Variants in RFX2 observed in about 807,000 individuals in gnomAD.
RFX2 encodes DNA-binding protein RFX2.
Under a neutral mutation model 87.8 loss-of-function variants are expected in RFX2, and 20 were observed. The observed-to-expected ratio is 0.23, with a 90% confidence interval of 0.16 to 0.33. The LOEUF (loss-of-function observed/expected upper bound fraction) is 0.33, where lower values mean the gene tolerates loss of function less well. RFX2 is among the 10% of genes least tolerant of loss of function. The probability of loss-of-function intolerance (pLI) is 1.00; values close to 1 mark genes in which losing one functional copy is unlikely to be tolerated. For synonymous variants in RFX2, 397 were observed against 431.3 expected (o/e 0.92, Z 0.98); for missense variants, 767 against 1,012.3 (o/e 0.76, Z 3.29).
At chr19:6,086,336 A>G (rs1347459301) in intron 1 of RFX2, among the ~76,000 whole-genome samples, 1 of 152,168 alleles carries the variant, frequency 6.6e-6, no homozygotes, top group East Asian at 1.9e-4. Flanking sequence ...ACAGAAACCT[A>G]GACGCTACAA....
At chr19:6,097,313 T>C (rs931592429) in intron 1 of RFX2, among the ~76,000 whole-genome samples, 12 of 152,122 alleles carry the variant, frequency 7.9e-5, no homozygotes, top group African/African-American at 2.9e-4. Context: ...GGGCCTTGCC[T>C]TTCTTCCTAG....
In RFX2 at chr19:6,044,318, T is replaced by A. The variant is rs374696482; in HGVS notation, c.91-36A>T. On this transcript the variant is annotated intron_variant, in intron 2 of 17. Coordinates refer to ENST00000303657, the MANE Select transcript of RFX2 (RefSeq NM_000635.4). This position sits in a 1 kb window ranked among gnomAD's most constrained non-coding sequence, Gnocchi z 5.3. ...AGGGAGAGAAGGCCAGTTAGACTTG[T>A]CAGAGGTCAGTGCTGAGGATACACA... 41 of 1,339,900 alleles carry A rather than the reference T, an allele frequency of 3.1e-5. No homozygotes were observed. The highest frequency in any genetic ancestry group is 1.6e-4 in the Admixed American group (6 of 37,784). The allele number at this position is 1,339,900 out of a possible 1,614,324, so 83.0% of individuals were successfully genotyped here. A position where few individuals can be genotyped will look rare whatever the true frequency, so the allele number is the denominator to read the frequency against.
At chr19:6,071,683 G>A (rs2087608648) in intron 1 of RFX2, among the ~76,000 whole-genome samples, 1 of 152,146 alleles carries the variant, frequency 6.6e-6, no homozygotes, top group Non-Finnish European at 1.5e-5. Flanking sequence ...GGGTCTTTTT[G>A]TTAAACTCAT....
intron 1 of RFX2, among the ~76,000 whole-genome samples, chr19:6,070,071 A>G (rs2087575855): frequency 1.0e-4 from 7 of 67,876 alleles, no homozygotes; most frequent in East Asian, 4.8e-4. Flanking sequence ...ATGGGATGGG[A>G]TGTGGATGGG....
chr19:6,102,638 C>A (rs1380550502), intron 1 of RFX2, among the ~76,000 whole-genome samples: 1 of 152,250 alleles, frequency 6.6e-6, no homozygotes, highest in Admixed American at 6.5e-5. Context: ...ACTGCAGGAC[C>A]TTTGTACCTG....
Position 6,010,388 on chromosome 19 carries a change from C to G in RFX2, c.900-137G>C. On this transcript the variant is annotated intron_variant, in intron 8 of 17. Transcript: ENST00000303657. This position sits in a 1 kb window ranked among gnomAD's most constrained non-coding sequence, Gnocchi z 5.0. ...AAGTTGCGGTCAAATACACATAACA[C>G]AAAAGCTACCATCGGAACCATCTTG... is the stretch of plus-strand genomic sequence containing the variant. The G allele has an allele frequency of 1.6e-6, 1 of 630,818 alleles. No homozygotes were observed. The highest frequency in any genetic ancestry group is 1.8e-5 in the African/African-American group (1 of 55,596). The allele number at this position is 630,818 out of a possible 1,614,324, so 39.1% of individuals were successfully genotyped here.
rs935759494 is a variant in RFX2 at position 6,011,476 on chromosome 19, C to T, written c.900-1225G>A. ...GTAAACCACCTGGCTCAGGGCAGGCCGTGGGCATCACACAGACACAGGCTC... is the reference window on the plus strand; with the variant it reads ...GTAAACCACCTGGCTCAGGGCAGGCTGTGGGCATCACACAGACACAGGCTC... On this transcript the variant is annotated intron_variant, in intron 8 of 17. Coordinates refer to ENST00000303657, the MANE Select transcript of RFX2 (RefSeq NM_000635.4). The surrounding 1 kb of genome is among the most constrained non-coding windows in gnomAD (Gnocchi z 4.8). Among the ~76,000 whole-genome samples, 5 of 152,192 alleles carry T rather than the reference C, an allele frequency of 3.3e-5. No individual in the cohort carries two copies. Among genetic ancestry groups the T allele is most frequent in the African/African-American group, 1.2e-4 (5 of 41,452 alleles).
Position 6,001,108 on chromosome 19 carries a change from T to C in RFX2, c.1859+707A>G, listed in dbSNP as rs1406929643. 3.9e-5 allele frequency among the ~76,000 whole-genome samples: 6 copies of C among 152,198 alleles called. No homozygotes were observed. Among genetic ancestry groups the C allele is most frequent in the Non-Finnish European group, 8.8e-5 (6 of 68,024 alleles). On this transcript the variant is annotated intron_variant, in intron 15 of 17. Transcript: ENST00000303657. This position sits in a 1 kb window ranked among gnomAD's most constrained non-coding sequence, Gnocchi z 5.6. Reference sequence around the variant, plus strand: ...CTTCAGAGCTCTCAGGACATCGCTCTACTGCCTTCTGGGTTTCTGCACATT... The same window carrying C: ...CTTCAGAGCTCTCAGGACATCGCTCCACTGCCTTCTGGGTTTCTGCACATT...
rs1208738258 is a variant in RFX2 at position 5,997,236 on chromosome 19, T to C, written c.1860-23A>G. ...GAGCTGGGGACAAGCGGACAGAGGC[T>C]GGGGACCCTCAGGGGAGCATGGAAC... On this transcript the variant is annotated intron_variant, in intron 15 of 17. Coordinates refer to ENST00000303657, the MANE Select transcript of RFX2 (RefSeq NM_000635.4). The surrounding 1 kb of genome is among the most constrained non-coding windows in gnomAD (Gnocchi z 4.2). 1 of 1,602,066 alleles carries C rather than the reference T, an allele frequency of 6.2e-7. No homozygotes were observed. Among genetic ancestry groups the C allele is most frequent in the Non-Finnish European group, 8.5e-7 (1 of 1,177,326 alleles).
Position 6,022,460 on chromosome 19 carries a change from A to G in RFX2, c.597+3703T>C, listed in dbSNP as rs1279795612. 6.6e-6 allele frequency among the ~76,000 whole-genome samples: 1 copy of G among 152,190 alleles called. No homozygotes were observed. The highest frequency in any genetic ancestry group is 1.5e-5 in the Non-Finnish European group (1 of 68,030). On this transcript the variant is annotated intron_variant, in intron 6 of 17. Coordinates refer to ENST00000303657, the MANE Select transcript of RFX2 (RefSeq NM_000635.4). This position sits in a 1 kb window ranked among gnomAD's most constrained non-coding sequence, Gnocchi z 6.2. The stretch of plus-strand genomic sequence containing the variant: ...GCAAGTGATGTGTTTACTTTAGCAG[A>G]CAGCGCCACCTCATGGTGACAGAGA...
rs556199536 is a variant in RFX2 at position 6,045,668 on chromosome 19, T to G, written c.91-1386A>C. Among the ~76,000 whole-genome samples, 787 of 152,002 alleles carry G rather than the reference T, an allele frequency of 5.2e-3. 12 individuals carry two copies. The highest frequency in any genetic ancestry group is 0.018 in the African/African-American group (736 of 41,342). The stretch of plus-strand genomic sequence containing the variant: ...TTTTTGCGGAATTGTGTTTTTTTGT[T>G]TTTGTTTTTTTGTGTTTTTTGGGAC... On this transcript the variant is annotated intron_variant, in intron 2 of 17. Coordinates refer to ENST00000303657, the MANE Select transcript of RFX2 (RefSeq NM_000635.4). The surrounding 1 kb of genome is among the most constrained non-coding windows in gnomAD (Gnocchi z 5.2).
intron 1 of RFX2, among the ~76,000 whole-genome samples, chr19:6,081,545 C>A (rs1225042420): frequency 1.3e-5 from 2 of 152,242 alleles, no homozygotes; most frequent in Non-Finnish European, 2.9e-5. Context: ...TCACAGCACA[C>A]AAACATTAGC....
At position 6,045,300 on chromosome 19, in the gene RFX2, CCA is replaced by C. The variant is rs375008383; in HGVS notation, c.91-1020_91-1019del. ...GTCCTGGCAAGTCCTCAGAGAGGGA[CCA>C]CAGTGATGAAACCTGGGACACACAT... On this transcript the variant is annotated intron_variant, in intron 2 of 17. Coordinates refer to ENST00000303657, the MANE Select transcript of RFX2 (RefSeq NM_000635.4). This position sits in a 1 kb window ranked among gnomAD's most constrained non-coding sequence, Gnocchi z 5.2. Among the ~76,000 whole-genome samples the C allele has an allele frequency of 1.6e-3, 241 of 152,286 alleles. 2 individuals are homozygous for C. The South Asian group carries it at 0.037, about 23-fold the overall frequency.
chr19:6,058,528 T>C (rs1349771992), intron 1 of RFX2, among the ~76,000 whole-genome samples: 2 of 151,478 alleles, frequency 1.3e-5, no homozygotes, highest in South Asian at 2.1e-4. Context: ...CAGGCTTCAA[T>C]GCACACCAAG....
At chr19:5,995,270 G>GC (rs747690871) in intron 17 of RFX2, among the ~76,000 whole-genome samples, 3 of 152,186 alleles carry the variant, frequency 2.0e-5, no homozygotes, top group Non-Finnish European at 4.4e-5. Flanking sequence ...CAGAGACGGG[G>GC]CCCGGGGGTC....
At chr19:6,078,399 T>C (rs940890304) in intron 1 of RFX2, 1 of 148,752 alleles carries the variant, frequency 6.7e-6, no homozygotes, top group South Asian at 2.1e-4. Flanking sequence ...GTTTAAGTCA[T>C]AAAAATTTAG....
chr19:6,033,392 T>G (rs1254346248), intron 5 of RFX2, among the ~76,000 whole-genome samples: 1 of 152,166 alleles, frequency 6.6e-6, no homozygotes. Context: ...AATTTGTCCC[T>G]GGTTGTCTTA....
chr19:6,069,986 TGGATGGGATG>T (rs2087572027), intron 1 of RFX2, among the ~76,000 whole-genome samples: 3 of 96,928 alleles, frequency 3.1e-5, no homozygotes, highest in African/African-American at 9.1e-5. Flanking sequence ...TGTTCTTTCA[TGGATGGGATG>T]GGATGGGATG....
intron 5 of RFX2, among the ~76,000 whole-genome samples, chr19:6,038,758 C>T (rs75446417): frequency 0.014 from 2,157 of 152,282 alleles, 31 homozygotes; most frequent in Middle Eastern, 0.082. Flanking sequence ...ATGCAAGTTG[C>T]AACCACAATG....
Sources: allele counts gnomAD v4.1 joint callset (sites outside exome capture counted in the v4.1 genomes callset), GRCh38; gene constraint gnomAD v4.1.1; non-coding constraint Gnocchi (gnomAD v3.1); transcripts MANE v1.5; gene names NCBI Gene and HGNC (gene_info 2026-07-23, HGNC 2026-07-21).